Variants in SLC38A8 observed in about 807,000 individuals in gnomAD.
SLC38A8 encodes the protein amino acid transporter SLC38A8.
Under a neutral mutation model 46.0 loss-of-function variants are expected in SLC38A8, and 65 were observed. The observed-to-expected ratio is 1.41, with a 90% confidence interval of 1.16 to 1.74. The LOEUF (loss-of-function observed/expected upper bound fraction) is 1.74. Among genes scored for constraint, SLC38A8 ranks in the 40% most tolerant of loss-of-function variants. SLC38A8 has a pLI of 0.00. For missense variants in SLC38A8, 998 were observed against 567.9 expected, an observed-to-expected ratio of 1.76 and a Z score of -7.70; for synonymous variants, 447 against 243.7, an observed-to-expected ratio of 1.83 and a Z score of -7.77.
At chr16:84,019,068 A>C (rs547986962) in intron 7 of SLC38A8, among the ~76,000 whole-genome samples, 12 of 151,924 alleles carry the variant, frequency 7.9e-5, no homozygotes, top group Non-Finnish European at 1.8e-4. Context: ...CTGAAACTAC[A>C]ATTTCTCCAA....
At chr16:84,022,538 T>C (rs2085106965) in intron 7 of SLC38A8, among the ~76,000 whole-genome samples, 1 of 152,214 alleles carries the variant, frequency 6.6e-6, no homozygotes, top group African/African-American at 2.4e-5. Flanking sequence ...AGTTCAGGTC[T>C]CAGCTTTGCA....
chr16:84,030,389 C>T (rs942469102), intron 5 of SLC38A8, among the ~76,000 whole-genome samples: 3 of 152,100 alleles, frequency 2.0e-5, no homozygotes, highest in Non-Finnish European at 4.4e-5. Flanking sequence ...GCTAGAGTAC[C>T]ACCGGCTCAG....
At chr16:84,036,488 C>A (rs1005894895) in intron 3 of SLC38A8, among the ~76,000 whole-genome samples, 1 of 152,280 alleles carries the variant, frequency 6.6e-6, no homozygotes, top group Non-Finnish European at 1.5e-5. Context: ...CACAACCTCT[C>A]TCATGCACTT....
In SLC38A8 at chr16:84,031,799, C is replaced by A. The variant is rs576167940; in HGVS notation, c.632+68G>T. The A allele has an allele frequency of 1.6e-5, 22 of 1,333,870 alleles. No homozygotes were observed. The African/African-American group carries it at 2.5e-4, about 15-fold the overall frequency. The allele number at this position is 1,333,870 out of a possible 1,614,324, so 82.6% of individuals were successfully genotyped here. Reference sequence around the variant, plus strand: ...GCCACGAGAGGCTCCTCCTCCAAGACTCCCCTCACAGACTCCCCTGCCGTG... The same window carrying A: ...GCCACGAGAGGCTCCTCCTCCAAGAATCCCCTCACAGACTCCCCTGCCGTG... On this transcript the variant is annotated intron_variant, in intron 5 of 10. Transcript: ENST00000299709.
chr16:84,025,886 C>T (rs925039379), intron 6 of SLC38A8, among the ~76,000 whole-genome samples: 1 of 152,244 alleles, frequency 6.6e-6, no homozygotes, highest in Non-Finnish European at 1.5e-5. Flanking sequence ...TCCTGTCCTA[C>T]AGGAGGGCTC....
At chr16:84,027,211 G>A (rs887765059) in intron 6 of SLC38A8, among the ~76,000 whole-genome samples, 9 of 152,216 alleles carry the variant, frequency 5.9e-5, no homozygotes, top group Middle Eastern at 3.4e-3. Context: ...TTAGCTGGAC[G>A]TGGTGACAGG....
At chr16:84,015,961 G>C (rs1221815391) in intron 9 of SLC38A8, among the ~76,000 whole-genome samples, 5 of 152,218 alleles carry the variant, frequency 3.3e-5, no homozygotes, top group Admixed American at 6.5e-5. Context: ...TTACAGGCGT[G>C]AGCCACTGTG....
In SLC38A8 at chr16:84,013,429, T is replaced by TTTA. The variant is rs1555551864; in HGVS notation, c.1163-378_1163-377insTAA. On this transcript the variant is annotated intron_variant, in intron 9 of 10. Transcript: ENST00000299709. ...CTTTCTTTTGTTGTGTGTGTGTTTT[T>TTTA]TTTTTTTTTTTTTTTTTTTTGAGAC... 5.8e-5 allele frequency among the ~76,000 whole-genome samples: 7 copies of TTTA among 121,084 alleles called. 1 individual carries two copies. Among genetic ancestry groups the TTTA allele is most frequent in the African/African-American group, 2.0e-4 (6 of 30,162 alleles). The allele number at this position is 121,084 out of a possible 152,430, so 79.4% of individuals were successfully genotyped here.
At chr16:84,034,859 C>T (rs939690776) in intron 3 of SLC38A8, among the ~76,000 whole-genome samples, 2 of 152,050 alleles carry the variant, frequency 1.3e-5, no homozygotes, top group African/African-American at 2.4e-5. Flanking sequence ...CCAGGATCCT[C>T]AGGGCCAACA....
chr16:84,030,105 C>G (rs899229263), intron 5 of SLC38A8, among the ~76,000 whole-genome samples: 2 of 152,172 alleles, frequency 1.3e-5, no homozygotes, highest in Non-Finnish European at 2.9e-5. Context: ...AATCCAATGC[C>G]TGCTGCCCTT....
Position 84,022,781 on chromosome 16 carries a change from G to A in SLC38A8, c.799C>T (p.Leu267=). ...SLLACCLIYS[L]TGVYGFLTFG... ...TGCCTGGGAAGGGCCTTACCCGTCAGTGAATAGATGAGGCAGCAGGCCAGC... is the reference window on the plus strand; with the variant it reads ...TGCCTGGGAAGGGCCTTACCCGTCAATGAATAGATGAGGCAGCAGGCCAGC... Residue 267 remains leucine, a synonymous_variant, in exon 7 of 11, where the codon CTG becomes TTG. Coordinates refer to ENST00000299709, the MANE Select transcript of SLC38A8 (RefSeq NM_001080442.3). The A allele has an allele frequency of 5.6e-6, 9 of 1,613,996 alleles. No homozygotes were observed. Among genetic ancestry groups the A allele is most frequent in the Non-Finnish European group, 7.6e-6 (9 of 1,179,914 alleles).
In SLC38A8 at chr16:84,016,541, G is replaced by A. The variant is rs766507237; in HGVS notation, c.1140C>T (p.Ser380=). The A allele has an allele frequency of 1.1e-4, 179 of 1,613,892 alleles. 1 individual carries two copies. In the East Asian group the frequency reaches 3.8e-3, roughly 34 times the overall value. Residue 380 remains serine, a synonymous_variant, in exon 9 of 11, where the codon TCC becomes TCT. Transcript: ENST00000299709. ...EIVSIIGGIS[S]FFIFIFPGLC... is the part of the protein sequence containing the mutation. ...CACCTGGGAAGATGAAGATGAAGAA[G>A]GAACTGATGCCTCCGATGATGCTGA...
At chr16:84,017,609 G>A (rs982137784) in intron 7 of SLC38A8, among the ~76,000 whole-genome samples, 2 of 152,144 alleles carry the variant, frequency 1.3e-5, no homozygotes, top group Admixed American at 6.6e-5. Context: ...CACCTCCCAT[G>A]CCCTGTCCAT....
In SLC38A8 at chr16:84,041,986, C is replaced by T; in HGVS notation, c.172G>A (p.Ala58Thr). Residue 58 changes from alanine to threonine, a missense_variant, in exon 2 of 11, where the codon GCC becomes ACC. Coordinates refer to ENST00000299709, the MANE Select transcript of SLC38A8 (RefSeq NM_001080442.3). ...GGACTTACCAGCTCCACCAGGAAGG[C>T]AGGGACCACTCCGCCCGCTTTGGAG... Reference protein sequence around the residue: ...AFSKAGGVVPAFLVELVSLVF... With the variant: ...AFSKAGGVVPTFLVELVSLVF... The T allele has an allele frequency of 6.2e-7, 1 of 1,601,966 alleles. No homozygotes were observed. Among genetic ancestry groups the T allele is most frequent in the Non-Finnish European group, 8.5e-7 (1 of 1,173,448 alleles).
At chr16:84,025,687 T>C (rs1042145500) in intron 6 of SLC38A8, among the ~76,000 whole-genome samples, 2 of 152,124 alleles carry the variant, frequency 1.3e-5, no homozygotes, top group African/African-American at 4.8e-5. Context: ...TGAGTCCTCC[T>C]CGGTGCAAGT....
At chr16:84,037,569 T>C (rs544114322) in intron 2 of SLC38A8, among the ~76,000 whole-genome samples, 1 of 152,134 alleles carries the variant, frequency 6.6e-6, no homozygotes, top group Admixed American at 6.5e-5. Context: ...GAGACCAGCC[T>C]GGCCAACATG....
chr16:84,022,775 C>G lies in SLC38A8; in HGVS notation c.805G>C (p.Gly269Arg). The G allele has an allele frequency of 1.9e-6, 3 of 1,613,650 alleles. No individual in the cohort carries two copies. The highest frequency in any genetic ancestry group is 1.1e-5 in the South Asian group (1 of 91,052). Residue 269 changes from glycine to arginine, a missense_variant and splice_region_variant, in exon 7 of 11, where the codon GGG becomes CGG. Coordinates refer to ENST00000299709, the MANE Select transcript of SLC38A8 (RefSeq NM_001080442.3). ...LACCLIYSLTGVYGFLTFGTE... is the reference protein window; with the variant it reads ...LACCLIYSLTRVYGFLTFGTE... ...CAGGGGTGCCTGGGAAGGGCCTTAC[C>G]CGTCAGTGAATAGATGAGGCAGCAG...
chr16:84,017,658 C>A (rs1278550496), intron 7 of SLC38A8, among the ~76,000 whole-genome samples: 1 of 152,216 alleles, frequency 6.6e-6, no homozygotes, highest in Non-Finnish European at 1.5e-5. Flanking sequence ...GCTAGCTGTG[C>A]ACACATTTCC....
At chr16:84,012,326 G>A (rs773868461) in intron 10 of SLC38A8, among the ~76,000 whole-genome samples, 1 of 152,198 alleles carries the variant, frequency 6.6e-6, no homozygotes, top group Non-Finnish European at 1.5e-5. Flanking sequence ...CAGTGGCAAA[G>A]TACAGAGGCT....
Sources: allele counts gnomAD v4.1 joint callset (sites outside exome capture counted in the v4.1 genomes callset), GRCh38; gene constraint gnomAD v4.1.1; transcripts MANE v1.5; gene names NCBI Gene and HGNC (gene_info 2026-07-23, HGNC 2026-07-21).